ROBO1: variants seen among roughly 807,000 people sequenced by gnomAD.
ROBO1 encodes the protein roundabout guidance receptor 1.
ROBO1 carries 149 observed loss-of-function variants against 195.9 expected under a neutral mutation model. The observed-to-expected ratio is 0.76, with a 90% CI of 0.67 to 0.87. The LOEUF (loss-of-function observed/expected upper bound fraction) is 0.87, where lower values mean the gene tolerates loss of function less well. Ranked by LOEUF, ROBO1 falls within the 40% of genes least tolerant of loss-of-function variation. The probability of loss-of-function intolerance (pLI) is 0.00; values close to 1 mark genes in which losing one functional copy is unlikely to be tolerated. For missense variants in ROBO1, 1,933 were observed against 2,068.3 expected (o/e 0.93, Z 1.27); for synonymous variants, 816 against 733.2 (o/e 1.11, Z -1.82).
At chr3:79,530,788 C>CAA (rs1327734364) in intron 2 of ROBO1, among the ~76,000 whole-genome samples, 1 of 145,944 alleles carries the variant, frequency 6.9e-6, no homozygotes, top group Non-Finnish European at 1.5e-5. Context: ...CACACACACA[C>CAA]ACACACACAC....
chr3:79,670,583 A>G (rs954416019), intron 1 of ROBO1, among the ~76,000 whole-genome samples: 2 of 151,846 alleles, frequency 1.3e-5, no homozygotes, highest in Non-Finnish European at 2.9e-5. Context: ...CTAAACCATC[A>G]AAGTGATCTG....
At chr3:79,413,881 C>A (rs1214077993) in intron 2 of ROBO1, among the ~76,000 whole-genome samples, 1 of 152,040 alleles carries the variant, frequency 6.6e-6, no homozygotes. Flanking sequence ...GAGAAAATAT[C>A]TGACTCCCCA....
At chr3:78,958,762 T>G (rs1354971897) in intron 3 of ROBO1, among the ~76,000 whole-genome samples, 1 of 151,958 alleles carries the variant, frequency 6.6e-6, no homozygotes, top group Admixed American at 6.6e-5. Flanking sequence ...TTTTAATAAT[T>G]AAAGTTACCT....
At chr3:79,645,476 C>T (rs530245916) in intron 1 of ROBO1, among the ~76,000 whole-genome samples, 4 of 151,778 alleles carry the variant, frequency 2.6e-5, no homozygotes, top group African/African-American at 7.2e-5. Flanking sequence ...CACTATAGCC[C>T]GGGAGACAAT....
chr3:78,738,856 A>G (rs574562116), intron 5 of ROBO1, among the ~76,000 whole-genome samples: 1 of 152,346 alleles, frequency 6.6e-6, no homozygotes, highest in East Asian at 1.9e-4. Context: ...CAATAAGTAG[A>G]TGAAATGAAA....
intron 24 of ROBO1, among the ~76,000 whole-genome samples, chr3:78,633,110 C>A (rs1042765225): frequency 2.0e-5 from 3 of 152,166 alleles, no homozygotes; most frequent in African/African-American, 7.2e-5. Flanking sequence ...AGGGTGGAGA[C>A]TCTTGGCTAA....
At chr3:79,479,480 A>T (rs1275108707) in intron 2 of ROBO1, among the ~76,000 whole-genome samples, 1 of 152,140 alleles carries the variant, frequency 6.6e-6, no homozygotes, top group African/African-American at 2.4e-5. Flanking sequence ...CGTTCCTAAC[A>T]GGCCACGGAC....
chr3:79,009,682 A>T lies in ROBO1; in HGVS notation c.173-70755T>A, dbSNP rs183741297. Among the ~76,000 whole-genome samples, 573 of 152,338 alleles carry T rather than the reference A, an allele frequency of 3.8e-3. 8 individuals carry two copies. The highest frequency in any genetic ancestry group is 0.013 in the African/African-American group (534 of 41,586). ...GGCAGGAATTATGTGAACCAATGCT[A>T]AAGTCTTTCTTTGTTTTCCATAAAA... On this transcript the variant is annotated intron_variant, in intron 3 of 30. Transcript: ENST00000464233.
At position 79,363,617 on chromosome 3, in the gene ROBO1, C is replaced by A. The variant is rs190669100; in HGVS notation, c.88+226207G>T. Among the ~76,000 whole-genome samples the A allele has an allele frequency of 2.4e-3, 370 of 152,242 alleles. 2 individuals are homozygous for A. The highest frequency in any genetic ancestry group is 7.6e-3 in the African/African-American group (315 of 41,534). ...TCTTTGCAAAGAAAGATATCAGTTT[C>A]ACTGAGTTCTAGGCTTCCACACAGA... On this transcript the variant is annotated intron_variant, in intron 2 of 30. Transcript: ENST00000464233.
chr3:79,480,298 GGGT>G (rs1469290023), intron 2 of ROBO1, among the ~76,000 whole-genome samples: 1 of 152,076 alleles, frequency 6.6e-6, no homozygotes, highest in Non-Finnish European at 1.5e-5. Context: ...GCAGTGAACT[GGGT>G]CTTATAGAAT....
intron 27 of ROBO1, among the ~76,000 whole-genome samples, chr3:78,617,375 T>C (rs1171632244): frequency 1.3e-5 from 2 of 152,080 alleles, no homozygotes; most frequent in Non-Finnish European, 2.9e-5. Context: ...AAAAATGAGG[T>C]AGCTCCCTAT....
intron 2 of ROBO1, among the ~76,000 whole-genome samples, chr3:79,126,133 C>A (rs181304260): frequency 3.9e-5 from 6 of 152,246 alleles, no homozygotes; most frequent in Non-Finnish European, 8.8e-5. Context: ...AGGCAACAAT[C>A]TCTCATCTTA....
At chr3:78,612,644 T>C (rs926977875) in intron 28 of ROBO1, among the ~76,000 whole-genome samples, 4 of 152,226 alleles carry the variant, frequency 2.6e-5, no homozygotes, top group Non-Finnish European at 2.9e-5. Context: ...TTGTGTTTCT[T>C]TACCAAACAG....
intron 5 of ROBO1, among the ~76,000 whole-genome samples, chr3:78,725,150 T>C (rs2082132834): frequency 6.6e-6 from 1 of 152,110 alleles, no homozygotes; most frequent in South Asian, 2.1e-4. Context: ...CAGCCCACAA[T>C]AGTAACCACA....
intron 2 of ROBO1, among the ~76,000 whole-genome samples, chr3:79,225,564 A>G (rs571517033): frequency 6.6e-6 from 1 of 152,256 alleles, no homozygotes; most frequent in Middle Eastern, 3.4e-3. Context: ...GGTCCACCTT[A>G]GACACCACTA....
intron 2 of ROBO1, among the ~76,000 whole-genome samples, chr3:79,495,006 T>C (rs1199433006): frequency 6.7e-6 from 1 of 148,702 alleles, no homozygotes; most frequent in South Asian, 2.2e-4. Context: ...CTGACATAGA[T>C]AGATTGACAG....
At chr3:79,580,944 A>G (rs558740645) in intron 2 of ROBO1, among the ~76,000 whole-genome samples, 1 of 152,318 alleles carries the variant, frequency 6.6e-6, no homozygotes, top group South Asian at 2.1e-4. Flanking sequence ...CGTTTTCCAA[A>G]GCAATTCTTC....
chr3:79,448,852 C>T (rs1490222717), intron 2 of ROBO1, among the ~76,000 whole-genome samples: 2 of 152,106 alleles, frequency 1.3e-5, no homozygotes, highest in African/African-American at 2.4e-5. Context: ...CCATCATTAA[C>T]TACGTTCATT....
chr3:78,842,135 ATTTGT>A (rs1231030192), intron 4 of ROBO1, among the ~76,000 whole-genome samples: 1 of 106,496 alleles, frequency 9.4e-6, no homozygotes, highest in Admixed American at 1.1e-4. Flanking sequence ...TGAATCGCCA[ATTTGT>A]TTTTTTTTTT....
Sources: allele counts gnomAD v4.1 joint callset (sites outside exome capture counted in the v4.1 genomes callset), GRCh38; gene constraint gnomAD v4.1.1; transcripts MANE v1.5; gene names NCBI Gene and HGNC (gene_info 2026-07-23, HGNC 2026-07-21).